FHIT: variants seen among roughly 807,000 people sequenced by gnomAD.
FHIT encodes the protein fragile histidine triad diadenosine triphosphatase, also known as bis(5'-adenosyl)-triphosphatase.
Under a neutral mutation model 17.9 loss-of-function variants are expected in FHIT, and 19 were observed. The observed-to-expected ratio is 1.06, with a 90% CI of 0.74 to 1.56. FHIT has a LOEUF of 1.56. Ranked by LOEUF, FHIT falls within the 40% of genes most tolerant of loss-of-function variation. FHIT has a pLI of 0.00. For missense variants in FHIT, 248 were observed against 189.2 expected, an observed-to-expected ratio of 1.31 and a Z score of -1.82; for synonymous variants, 81 against 69.7, an observed-to-expected ratio of 1.16 and a Z score of -0.81.
At chr3:60,102,287 T>C (rs1009840694) in intron 5 of FHIT, among the ~76,000 whole-genome samples, 7 of 152,196 alleles carry the variant, frequency 4.6e-5, no homozygotes, top group Admixed American at 4.6e-4. Flanking sequence ...CCTGCTTAAA[T>C]ATAATAACTA....
chr3:59,792,875 G>C (rs893877630), intron 8 of FHIT, among the ~76,000 whole-genome samples: 2 of 147,622 alleles, frequency 1.4e-5, no homozygotes, highest in Non-Finnish European at 3.0e-5. Flanking sequence ...TATTTTTTGG[G>C]GGGGGGGGTC....
intron 5 of FHIT, among the ~76,000 whole-genome samples, chr3:60,200,968 C>A (rs1702874143): frequency 6.6e-6 from 1 of 152,072 alleles, no homozygotes; most frequent in South Asian, 2.1e-4. Flanking sequence ...GACAGACAAG[C>A]AACAAAAATA....
At chr3:60,828,522 A>T (rs1702203868) in intron 3 of FHIT, among the ~76,000 whole-genome samples, 1 of 152,092 alleles carries the variant, frequency 6.6e-6, no homozygotes, top group Non-Finnish European at 1.5e-5. Context: ...ATTAGAGGAG[A>T]TGGGCATGAG....
chr3:59,904,583 C>T (rs765334882), intron 8 of FHIT, among the ~76,000 whole-genome samples: 4 of 152,164 alleles, frequency 2.6e-5, no homozygotes, highest in East Asian at 3.9e-4. Flanking sequence ...CAGTGATGCC[C>T]GTACCAGGCC....
At chr3:60,783,882 C>G (rs55897133) in intron 4 of FHIT, among the ~76,000 whole-genome samples, 8 of 152,158 alleles carry the variant, frequency 5.3e-5, no homozygotes, top group African/African-American at 1.7e-4. Flanking sequence ...CCCTTTCTCC[C>G]GGATATTTAA....
rs138425754 is a variant in FHIT, at chr3:60,214,827, T to A, written c.104-200675A>T. Among the ~76,000 whole-genome samples the A allele has an allele frequency of 2.3e-4, 35 of 149,770 alleles. 1 individual carries two copies. The highest frequency in any genetic ancestry group is 8.7e-4 in the African/African-American group (35 of 40,332). On this transcript the variant is annotated intron_variant, in intron 5 of 9. Transcript: ENST00000492590. ...GGTACATATATACCACAGAATACTA[T>A]GCAGCTGTAAAAAAAAGAATGAAAT...
chr3:60,248,936 T>C (rs1171383189), intron 5 of FHIT, among the ~76,000 whole-genome samples: 1 of 152,132 alleles, frequency 6.6e-6, no homozygotes, highest in Non-Finnish European at 1.5e-5. Context: ...TGCACAAAGA[T>C]ACCATGTGAA....
intron 8 of FHIT, among the ~76,000 whole-genome samples, chr3:59,895,138 C>G (rs1388605454): frequency 3.3e-5 from 5 of 152,170 alleles, no homozygotes; most frequent in African/African-American, 1.2e-4. Context: ...CAAAACATCT[C>G]ACTATGCATA....
chr3:60,998,023 A>T (rs773943153), intron 3 of FHIT, among the ~76,000 whole-genome samples: 46 of 152,210 alleles, frequency 3.0e-4, no homozygotes, highest in Non-Finnish European at 6.2e-4. Flanking sequence ...CTCTGAGATA[A>T]ATATCACTTT....
At chr3:60,588,053 A>G (rs533563674) in intron 4 of FHIT, among the ~76,000 whole-genome samples, 25 of 152,050 alleles carry the variant, frequency 1.6e-4, no homozygotes, top group African/African-American at 5.1e-4. Flanking sequence ...TCAGCTGTCC[A>G]TAACTTAACT....
intron 2 of FHIT, among the ~76,000 whole-genome samples, chr3:61,091,076 T>C (rs1559973650): frequency 6.6e-6 from 1 of 152,216 alleles, no homozygotes; most frequent in Non-Finnish European, 1.5e-5. Context: ...CTCGTTCACA[T>C]CCCTTAACTA....
At chr3:61,139,946 A>G (rs1466730885) in intron 2 of FHIT, among the ~76,000 whole-genome samples, 9 of 152,152 alleles carry the variant, frequency 5.9e-5, no homozygotes, top group Admixed American at 5.9e-4. Flanking sequence ...CTCACAGATC[A>G]AAGACAACCT....
intron 2 of FHIT, among the ~76,000 whole-genome samples, chr3:61,155,003 C>T (rs1451656747): frequency 1.3e-5 from 2 of 152,236 alleles, no homozygotes; most frequent in Non-Finnish European, 2.9e-5. Context: ...GGCAATACTC[C>T]CAGGCAATAT....
intron 5 of FHIT, among the ~76,000 whole-genome samples, chr3:60,396,945 T>G (rs1337463665): frequency 6.6e-6 from 1 of 152,118 alleles, no homozygotes; most frequent in East Asian, 1.9e-4. Context: ...TAAGTTTAAT[T>G]TGGGAGGATG....
intron 8 of FHIT, among the ~76,000 whole-genome samples, chr3:59,906,435 T>A (rs1704587666): frequency 6.6e-6 from 1 of 152,216 alleles, no homozygotes; most frequent in Non-Finnish European, 1.5e-5. Flanking sequence ...GGCAAAGCTT[T>A]CAGAGGAGTC....
intron 7 of FHIT, among the ~76,000 whole-genome samples, chr3:59,967,730 A>C (rs2107370213): frequency 6.6e-6 from 1 of 152,304 alleles, no homozygotes; most frequent in South Asian, 2.1e-4. Context: ...GTAGATCCAA[A>C]GAATGCTACA....
intron 2 of FHIT, among the ~76,000 whole-genome samples, chr3:61,155,743 A>G (rs2037517704): frequency 6.6e-6 from 1 of 152,208 alleles, no homozygotes; most frequent in South Asian, 2.1e-4. Context: ...GTTTGCAGGT[A>G]GGTAGGTAAT....
intron 3 of FHIT, among the ~76,000 whole-genome samples, chr3:60,910,499 C>T (rs2107267157): frequency 6.6e-6 from 1 of 151,812 alleles, no homozygotes; most frequent in East Asian, 1.9e-4. Context: ...GCAAGCTCCG[C>T]CTCCCAGGTT....
In FHIT at chr3:60,517,509, T is replaced by C. The variant is rs541858418; in HGVS notation, c.103+19351A>G. Among the ~76,000 whole-genome samples, 17 of 152,330 alleles carry C rather than the reference T, an allele frequency of 1.1e-4. No individual in the cohort carries two copies. The South Asian group carries it at 2.9e-3, about 26-fold the overall frequency. On this transcript the variant is annotated intron_variant, in intron 5 of 9. Transcript: ENST00000492590. ...GGCGGCTGACCCACTGATATTACTA[T>C]GAATTTTTTGCTCTTCATCAACGGT...
Sources: gnomAD v4.1 joint callset for allele counts (sites outside exome capture counted in the v4.1 genomes callset) on GRCh38, gnomAD v4.1.1 for gene constraint, MANE v1.5 for transcripts, NCBI Gene and HGNC (gene_info 2026-07-23, HGNC 2026-07-21) for gene names.